The following RBFOX3 variants were observed in gnomAD, a reference collection of about 807,000 sequenced individuals.
RBFOX3 encodes the protein RNA binding protein fox-1 homolog 3.
A neutral mutation model predicts 48.7 loss-of-function variants in RBFOX3; 17 were observed. The ratio of observed to expected loss-of-function variants is 0.35; its 90% confidence interval spans 0.24 to 0.52. The LOEUF is 0.52. RBFOX3 is among the 20% of genes least tolerant of loss of function. The probability of loss-of-function intolerance (pLI) is 0.94; values close to 1 mark genes in which losing one functional copy is unlikely to be tolerated. For missense variants in RBFOX3, 382 were observed against 497.5 expected (o/e 0.77, Z 2.21); for synonymous variants, 212 against 209.5 (o/e 1.01, Z -0.10).
rs1049266945 is a variant in RBFOX3 at position 79,252,884 on chromosome 17, C to A, written c.-73-17079G>T. 6.6e-6 allele frequency among the ~76,000 whole-genome samples: 1 copy of A among 152,136 alleles called. No individual in the cohort carries two copies. Among genetic ancestry groups the A allele is most frequent in the Admixed American group, 6.5e-5 (1 of 15,272 alleles). On this transcript the variant is annotated intron_variant, in intron 3 of 14. Coordinates refer to ENST00000693108, the MANE Select transcript of RBFOX3 (RefSeq NM_001350451.2). This position sits in a 1 kb window ranked among gnomAD's most constrained non-coding sequence, Gnocchi z 4.0. ...AGGGAGCTGAAAAATCTCAAATCTG[C>A]CAACCCCACCCTTCCCCCTCTATCC...
chr17:79,558,117 C>T (rs2091914582), intron 1 of RBFOX3, among the ~76,000 whole-genome samples: 1 of 152,116 alleles, frequency 6.6e-6, no homozygotes, highest in Non-Finnish European at 1.5e-5. Flanking sequence ...CATCGCAGAC[C>T]AGCTTGTGAT....
the RBFOX3 span, among the ~76,000 whole-genome samples, chr17:79,644,196 C>G: frequency 0.026 from 3,894 of 152,226 alleles, 180 homozygotes; most frequent in African/African-American, 0.086. Context: ...TCATCAAAAA[C>G]TTTCCCATGA....
intron 2 of RBFOX3, among the ~76,000 whole-genome samples, chr17:79,394,212 C>G (rs574411389): frequency 6.6e-6 from 1 of 152,166 alleles, no homozygotes; most frequent in Non-Finnish European, 1.5e-5. Flanking sequence ...CTGAGATCTG[C>G]GAGAATGGAC....
intron 1 of RBFOX3, chr17:79,516,287 C>T (rs1217484767): frequency 3.9e-5 from 6 of 152,240 alleles, no homozygotes; most frequent in African/African-American, 1.2e-4. Context: ...TTGAAGAGAA[C>T]GCAGGTGGCC....
chr17:79,370,563 G>A (rs2058389526), intron 2 of RBFOX3, among the ~76,000 whole-genome samples: 1 of 147,494 alleles, frequency 6.8e-6, no homozygotes, highest in Non-Finnish European at 1.5e-5. Context: ...ACATACATGT[G>A]TGCTCACTCA....
chr17:79,582,632 T>C (rs1160096420), intron 1 of RBFOX3, among the ~76,000 whole-genome samples: 2 of 151,868 alleles, frequency 1.3e-5, no homozygotes, highest in Non-Finnish European at 2.9e-5. Flanking sequence ...ACCTCATCTC[T>C]ACAAAAAATA....
intron 4 of RBFOX3, among the ~76,000 whole-genome samples, chr17:79,158,152 A>G (rs968006145): frequency 6.6e-6 from 1 of 152,222 alleles, no homozygotes; most frequent in Non-Finnish European, 1.5e-5. Context: ...GTGAGGACAC[A>G]GGGCAACGAC....
rs1187966180 is a variant in RBFOX3, at chr17:79,364,488, A to G, written c.-174-56664T>C. On this transcript the variant is annotated intron_variant, in intron 2 of 14. Coordinates refer to ENST00000693108, the MANE Select transcript of RBFOX3 (RefSeq NM_001350451.2). This position sits in a 1 kb window ranked among gnomAD's most constrained non-coding sequence, Gnocchi z 5.1. ...ACAGTGCTGCTCTCCCAGGCCAAGC[A>G]CGTCTCCCAGGCATCTGATGGGTCA... Among the ~76,000 whole-genome samples, 1 of 152,236 alleles carries G rather than the reference A, an allele frequency of 6.6e-6. No homozygotes were observed. Among genetic ancestry groups the G allele is most frequent in the Non-Finnish European group, 1.5e-5 (1 of 68,048 alleles).
chr17:79,272,283 A>G (rs1368772326), intron 3 of RBFOX3, among the ~76,000 whole-genome samples: 1 of 152,160 alleles, frequency 6.6e-6, no homozygotes, highest in Non-Finnish European at 1.5e-5. Flanking sequence ...ACCTTGAATG[A>G]GACCCTCACA....
At chr17:79,612,813 G>A (rs1228589872), upstream of RBFOX3, among the ~76,000 whole-genome samples, 1 of 152,184 alleles carries the variant, frequency 6.6e-6, no homozygotes, top group Non-Finnish European at 1.5e-5. Context: ...ACTCCCGGCT[G>A]GGCCCAGCCA....
chr17:79,186,254 GAATGAA>G (rs1235405611), intron 4 of RBFOX3, among the ~76,000 whole-genome samples: 4 of 152,246 alleles, frequency 2.6e-5, no homozygotes, highest in Non-Finnish European at 5.9e-5. Context: ...TAGCAGAATG[GAATGAA>G]AATAATACCT....
chr17:79,490,247 T>C (rs1263681914), intron 1 of RBFOX3, among the ~76,000 whole-genome samples: 2 of 152,378 alleles, frequency 1.3e-5, no homozygotes, highest in African/African-American at 4.8e-5. Flanking sequence ...CCTTTTGGTA[T>C]TGTTGAAATG....
chr17:79,631,610 C>T, the RBFOX3 span, among the ~76,000 whole-genome samples: 4 of 152,178 alleles, frequency 2.6e-5, no homozygotes, highest in Non-Finnish European at 5.9e-5. Flanking sequence ...TGGTATTGAC[C>T]TTTGATTATG....
At chr17:79,537,604 C>A (rs931015124) in intron 1 of RBFOX3, among the ~76,000 whole-genome samples, 1 of 152,132 alleles carries the variant, frequency 6.6e-6, no homozygotes, top group Non-Finnish European at 1.5e-5. Flanking sequence ...TTCCCTAGAA[C>A]CCCCGCCCAC....
chr17:79,548,590 G>C (rs1442755225), intron 1 of RBFOX3, among the ~76,000 whole-genome samples: 2 of 152,250 alleles, frequency 1.3e-5, no homozygotes, highest in African/African-American at 4.8e-5. Context: ...GGCAGCATCA[G>C]ATGCTGGAGA....
At chr17:79,516,372 G>A (rs1266345492) in intron 1 of RBFOX3, among the ~76,000 whole-genome samples, 2 of 152,204 alleles carry the variant, frequency 1.3e-5, no homozygotes, top group Admixed American at 6.5e-5. Flanking sequence ...CAGCATGCCC[G>A]GGCCTGCCCC....
chr17:79,369,899 T>C (rs778836201), intron 2 of RBFOX3, among the ~76,000 whole-genome samples: 1 of 152,152 alleles, frequency 6.6e-6, no homozygotes, highest in Non-Finnish European at 1.5e-5. Context: ...GGAGAGAGAA[T>C]TCCAGCTACG....
chr17:79,499,338 C>T (rs893079413), intron 1 of RBFOX3, among the ~76,000 whole-genome samples: 1 of 151,986 alleles, frequency 6.6e-6, no homozygotes, highest in Non-Finnish European at 1.5e-5. Flanking sequence ...ACGCATCCAA[C>T]CTTCCATCCA....
At chr17:79,544,817 G>T (rs1402614633) in intron 1 of RBFOX3, among the ~76,000 whole-genome samples, 1 of 151,632 alleles carries the variant, frequency 6.6e-6, no homozygotes, top group Non-Finnish European at 1.5e-5. Flanking sequence ...AGACATGGGG[G>T]AGTAACATCT....
Sources: gnomAD v4.1 joint callset for allele counts (sites outside exome capture counted in the v4.1 genomes callset) on GRCh38, gnomAD v4.1.1 for gene constraint, Gnocchi (gnomAD v3.1) non-coding constraint, MANE v1.5 for transcripts, NCBI Gene and HGNC (gene_info 2026-07-23, HGNC 2026-07-21) for gene names.